Variants in SHANK1 observed in about 807,000 individuals in gnomAD.
SHANK1 encodes SH3 and multiple ankyrin repeat domains protein 1.
SHANK1 carries 35 observed loss-of-function variants against 165.6 expected under a neutral mutation model. The observed-to-expected ratio is 0.21, with a 90% CI of 0.16 to 0.28. The LOEUF (loss-of-function observed/expected upper bound fraction) is 0.28, where lower values mean the gene tolerates loss of function less well. Among genes scored for constraint, SHANK1 ranks in the 10% least tolerant of loss-of-function variants. The probability of loss-of-function intolerance (pLI) is 1.00; values close to 1 mark genes in which losing one functional copy is unlikely to be tolerated. For missense variants in SHANK1, 2,681 were observed against 3,036.4 expected, an observed-to-expected ratio of 0.88 and a Z score of 2.75; for synonymous variants, 1,428 against 1,384.8, an observed-to-expected ratio of 1.03 and a Z score of -0.69.
At chr19:50,687,178 G>C (rs1162151471) in intron 19 of SHANK1, 3 of 522,364 alleles carry the variant, frequency 5.7e-6, no homozygotes, top group African/African-American at 2.0e-5. Context: ...CCCTGTCAGG[G>C]GAAATGGGAC....
rs553837778 is a variant in SHANK1 at position 50,689,945 on chromosome 19, A to G, written c.1965-666T>C. Among the ~76,000 whole-genome samples the G allele has an allele frequency of 4.6e-5, 7 of 152,304 alleles. No homozygotes were observed. The East Asian group carries it at 1.3e-3, about 29-fold the overall frequency. On this transcript the variant is annotated intron_variant, in intron 15 of 23. Coordinates refer to ENST00000293441, the MANE Select transcript of SHANK1 (RefSeq NM_016148.5). ...TGCACTGCCCAATATGGTGGCCACT[A>G]GGTGCACGTGGCTGTTTTTATGAAA...
intron 10 of SHANK1, 21 bp from the exon 11 acceptor site, chr19:50,703,851 CGGG>C: frequency 8.5e-7 from 1 of 1,180,912 alleles, no homozygotes; most frequent in Non-Finnish European, 1.1e-6. Flanking sequence ...ACAGTGGCGG[CGGG>C]GGGCAGATGT....
chr19:50,687,872 G>A, intron 18 of SHANK1, 51 bp downstream of exon 18: 1 of 1,610,684 alleles, frequency 6.2e-7, no homozygotes, highest in Non-Finnish European at 8.5e-7. Flanking sequence ...GGCTCCCGCA[G>A]GGCTGAGCCT....
intron 11 of SHANK1, among the ~76,000 whole-genome samples, chr19:50,703,045 A>G (rs1271866545): frequency 6.6e-6 from 1 of 151,590 alleles, no homozygotes; most frequent in Non-Finnish European, 1.5e-5. Flanking sequence ...CTTCCTCGGG[A>G]CACGCCTGGC....
At chr19:50,682,828 T>C (rs1183181959) in intron 21 of SHANK1, among the ~76,000 whole-genome samples, 1 of 152,118 alleles carries the variant, frequency 6.6e-6, no homozygotes, top group South Asian at 2.1e-4. Flanking sequence ...CTTTTTCGTT[T>C]GTTTGTTTTT....
At chr19:50,664,766 T>A (rs1985410049) in intron 23 of SHANK1, among the ~76,000 whole-genome samples, 1 of 152,212 alleles carries the variant, frequency 6.6e-6, no homozygotes, top group Non-Finnish European at 1.5e-5. Flanking sequence ...AATAACTTTT[T>A]TTTTTTGAGA....
chr19:50,699,570 G>A (rs1986839648), intron 12 of SHANK1, among the ~76,000 whole-genome samples: 1 of 152,216 alleles, frequency 6.6e-6, no homozygotes, highest in African/African-American at 2.4e-5. Context: ...CAGGCAGAAG[G>A]ACCAGCATGT....
intron 19 of SHANK1, chr19:50,687,059 A>C: frequency 6.9e-7 from 1 of 1,456,262 alleles, no homozygotes; most frequent in South Asian, 1.5e-5. Context: ...GGGGAGAGGC[A>C]GTAGAGGAGC....
chr19:50,686,664 G>C lies in SHANK1; in HGVS notation c.2458+80C>G, dbSNP rs901857729. ...GGGCAGGAAGGTGAGGGGCGCCGTG[G>C]GGTTCATGGTGGGACAGGGATGCAG... On this transcript the variant is annotated intron_variant, in intron 20 of 23. Coordinates refer to ENST00000293441, the MANE Select transcript of SHANK1 (RefSeq NM_016148.5). The surrounding 1 kb of genome is among the most constrained non-coding windows in gnomAD (Gnocchi z 5.7). The C allele has an allele frequency of 1.5e-6, 2 of 1,333,772 alleles. No homozygotes were observed. The highest frequency in any genetic ancestry group is 2.9e-5 in the African/African-American group (2 of 68,272). The allele number at this position is 1,333,772 out of a possible 1,614,324, so 82.6% of individuals were successfully genotyped here.
chr19:50,715,066 C>T lies in SHANK1; in HGVS notation c.531+593G>A, dbSNP rs1037483345. 3.3e-5 allele frequency among the ~76,000 whole-genome samples: 5 copies of T among 151,880 alleles called. No individual in the cohort carries two copies. The East Asian group carries it at 9.7e-4, about 29-fold the overall frequency. On this transcript the variant is annotated intron_variant, in intron 4 of 23. Transcript: ENST00000293441. ...GACAAGGAGGGACTGGGAGTTTTTC[C>T]TTCTCAAGGATCAAGAGTTCTTCAT...
At chr19:50,673,097 A>G (rs1271561972) in intron 21 of SHANK1, among the ~76,000 whole-genome samples, 2 of 152,118 alleles carry the variant, frequency 1.3e-5, no homozygotes, top group Non-Finnish European at 2.9e-5. Context: ...AGCAGCCCAC[A>G]GCCCACGATG....
rs756321329 is a variant in SHANK1 at position 50,667,968 on chromosome 19, C to G, written c.3992G>C (p.Ser1331Thr). 5.6e-6 allele frequency: 8 copies of G among 1,424,334 alleles called. No individual in the cohort carries two copies. The South Asian group carries it at 1.1e-4, about 20-fold the overall frequency. 88.2% of individuals were successfully genotyped at this position (1,424,334 alleles called of 1,614,324 possible). The stretch of plus-strand genomic sequence containing the variant: ...CACCAGGGGTCGCGGGGGCAGGAAG[C>G]TGGTGAAGGCGCTGCTGCCCCCGCC... Reference protein sequence around the residue: ...GGGGGSSAFTSFLPPRPLVHP... With the variant: ...GGGGGSSAFTTFLPPRPLVHP... The change falls in exon 23 of 24, where the codon AGC becomes ACC. Residue 1331 changes from serine to threonine, a missense_variant. Ser to Thr is a moderately conservative substitution (Grantham distance 58). Transcript: ENST00000293441. The surrounding 1 kb of genome is among the most constrained non-coding windows in gnomAD (Gnocchi z 5.7).
chr19:50,707,506 G>A (rs373055695), intron 8 of SHANK1, among the ~76,000 whole-genome samples: 2 of 152,018 alleles, frequency 1.3e-5, no homozygotes, highest in African/African-American at 4.8e-5. Context: ...GCTACGCCCA[G>A]GGCCACACAA....
Position 50,666,429 on chromosome 19 carries a change from G to A in SHANK1, c.5531C>T (p.Pro1844Leu), listed in dbSNP as rs768792411. The part of the protein sequence containing the change: ...PRKLLPWEEG[P>L]GPPPPPLPGP... ...GGGCAGAGGTGGTGGCGGTGGGCCC[G>A]GGCCCTCCTCCCAGGGCAGCAGCTT... The change falls in exon 23 of 24, where the codon CCG becomes CTG. Residue 1844 changes from proline (P) to leucine (L), a missense_variant. This residue lies in a region of SHANK1 where 1,713 missense variants were observed against 1,630.2 expected (regional missense o/e 1.05). Coordinates refer to ENST00000293441, the MANE Select transcript of SHANK1 (RefSeq NM_016148.5). The A allele has an allele frequency of 4.2e-5, 68 of 1,610,368 alleles. 1 individual carries two copies. The highest frequency in any genetic ancestry group is 1.7e-4 in the Middle Eastern group (1 of 6,042).
intron 23 of SHANK1, among the ~76,000 whole-genome samples, chr19:50,663,480 C>G (rs1327331088): frequency 2.0e-5 from 3 of 152,154 alleles, no homozygotes; most frequent in Admixed American, 2.0e-4. Flanking sequence ...CCCACCTTGC[C>G]TGTTACATGA....
chr19:50,668,224 A>G lies in SHANK1; in HGVS notation c.3736T>C (p.Trp1246Arg), dbSNP rs775530703. ...GAGCGCCGGCGCGCCTCATTCTGCCAGCCCCCCTCCCTCCGGGCCGCCCCC... is the reference window on the plus strand; with the variant it reads ...GAGCGCCGGCGCGCCTCATTCTGCCGGCCCCCCTCCCTCCGGGCCGCCCCC... ...LVGAARREGG[W>R]QNEARRRSTL... Residue 1246 changes from tryptophan to arginine, a missense_variant, in exon 23 of 24, where the codon TGG becomes CGG. Around this residue, in one of 10 missense-constraint regions of SHANK1, gnomAD observed 1,713 missense variants for 1,630.2 expected, o/e 1.05. Transcript: ENST00000293441. 2 of 1,486,898 alleles carry G rather than the reference A, an allele frequency of 1.3e-6. No individual in the cohort carries two copies. Among genetic ancestry groups the G allele is most frequent in the Non-Finnish European group, 1.8e-6 (2 of 1,131,718 alleles). 92.1% of individuals were successfully genotyped at this position (1,486,898 alleles called of 1,614,324 possible). A position where few individuals can be genotyped will look rare whatever the true frequency, so the allele number is the denominator to read the frequency against.
In SHANK1 at chr19:50,660,448, A is replaced by AC. The variant is rs1205380722; in HGVS notation, c.*1516dup. Among the ~76,000 whole-genome samples, 1 of 152,044 alleles carries AC rather than the reference A, an allele frequency of 6.6e-6. No individual in the cohort carries two copies. The highest frequency in any genetic ancestry group is 1.5e-5 in the Non-Finnish European group (1 of 68,012). On this transcript the variant is annotated 3_prime_UTR_variant, in exon 24 of 24. Transcript: ENST00000293441. The stretch of plus-strand genomic sequence containing the variant: ...GCCAGTGTGCATAGGGTCTTCTCTC[A>AC]CCAGGAAGAGAAAGAGCTTAAGGAG...
At chr19:50,679,375 G>C in intron 21 of SHANK1, among the ~76,000 whole-genome samples, 1 of 151,776 alleles carries the variant, frequency 6.6e-6, no homozygotes. Context: ...AAGAAGAAGG[G>C]ACAAAAATGG....
At position 50,667,600 on chromosome 19, in the gene SHANK1, C is replaced by T; in HGVS notation, c.4360G>A (p.Gly1454Arg). The T allele has an allele frequency of 7.0e-7, 1 of 1,432,272 alleles. No individual in the cohort carries two copies. The highest frequency in any genetic ancestry group is 9.1e-7 in the Non-Finnish European group (1 of 1,104,600). 88.7% of individuals were successfully genotyped at this position (1,432,272 alleles called of 1,614,324 possible). ...LLHRLPPTAP[G>R]VGPLLLQLGT... is the part of the protein sequence containing the mutation. ...AGCTGCAGCAGGAGGGGCCCCACCC[C>T]GGGAGCGGTGGGCGGCAGGCGGTGT... The change falls in exon 23 of 24, where the codon GGG (glycine) becomes AGG (arginine). Residue 1454 changes from glycine to arginine, a missense_variant. By Grantham distance (125) the Gly-to-Arg change is moderately radical (BLOSUM62 -2). Around this residue, in one of 10 missense-constraint regions of SHANK1, gnomAD observed 1,713 missense variants for 1,630.2 expected, o/e 1.05. Coordinates refer to ENST00000293441, the MANE Select transcript of SHANK1 (RefSeq NM_016148.5). The surrounding 1 kb of genome is among the most constrained non-coding windows in gnomAD (Gnocchi z 5.7).
Sources: allele counts gnomAD v4.1 joint callset (sites outside exome capture counted in the v4.1 genomes callset), GRCh38; gene constraint gnomAD v4.1.1; regional missense constraint gnomAD v4.1.1; non-coding constraint Gnocchi (gnomAD v3.1); transcripts MANE v1.5; gene names NCBI Gene and HGNC (gene_info 2026-07-23, HGNC 2026-07-21).